The following PNPLA3 variants were observed in gnomAD, a reference collection of about 807,000 sequenced individuals.
The protein encoded by PNPLA3 is patatin like domain 3, 1-acylglycerol-3-phosphate O-acyltransferase, also known as 1-acylglycerol-3-phosphate O-acyltransferase PNPLA3.
PNPLA3 carries 42 observed loss-of-function variants against 43.1 expected under a neutral mutation model. That is an observed-to-expected ratio of 0.97 (90% confidence interval 0.76 to 1.26). The LOEUF is 1.26. Ranked by LOEUF, PNPLA3 falls within the 50% of genes most tolerant of loss-of-function variation. The pLI, the probability that PNPLA3 is intolerant of heterozygous loss-of-function variation, is 0.00. For synonymous variants in PNPLA3, 272 were observed against 253.6 expected (o/e 1.07, Z -0.69); for missense variants, 647 against 621.4 (o/e 1.04, Z -0.44).
chr22:43,931,744 G>A (rs1340302059), intron 3 of PNPLA3, among the ~76,000 whole-genome samples: 1 of 152,206 alleles, frequency 6.6e-6, no homozygotes, highest in Non-Finnish European at 1.5e-5. Flanking sequence ...TCGAACTCCT[G>A]GCCTCAAGTG....
chr22:43,924,004 G>T lies in PNPLA3; in HGVS notation c.93G>T (p.Glu31Asp). 1.3e-6 allele frequency: 2 copies of T among 1,585,136 alleles called. No individual in the cohort carries two copies. The highest frequency in any genetic ancestry group is 2.2e-5 in the South Asian group (2 of 89,066). ...YHVGATRCLSEHAPHLLRDAR... is the reference protein window; with the variant it reads ...YHVGATRCLSDHAPHLLRDAR... ...TCGGGGCGACCCGCTGCCTGAGCGA[G>T]CACGCCCCGCACCTCCTCCGCGACG... The change falls in exon 1 of 9, where the codon GAG (glutamate) becomes GAT (aspartate). Residue 31 changes from glutamate to aspartate, a missense_variant. Glu to Asp is a conservative substitution (Grantham distance 45). Transcript: ENST00000216180.
intron 7 of PNPLA3, 127 bp downstream of exon 7, chr22:43,940,252 T>TATGTGC: frequency 1.8e-6 from 2 of 1,140,636 alleles, no homozygotes; most frequent in Non-Finnish European, 2.5e-6. Context: ...GCTCACAGTC[T>TATGTGC]ATGTGCAATG....
chr22:43,946,087 C>T (rs931592181), intron 8 of PNPLA3, 67 bp from the exon 9 acceptor site: 88 of 1,467,786 alleles, frequency 6.0e-5, no homozygotes, highest in Middle Eastern at 5.2e-4. Context: ...GTGGGTCCAC[C>T]GTAGCTCAGA....
At chr22:43,941,385 A>C (rs978026177) in intron 7 of PNPLA3, among the ~76,000 whole-genome samples, 1 of 152,014 alleles carries the variant, frequency 6.6e-6, no homozygotes, top group Non-Finnish European at 1.5e-5. Flanking sequence ...TTGGCTCAGC[A>C]GTCAGACTGC....
chr22:43,934,146 G>A lies in PNPLA3; in HGVS notation c.697-460G>A, dbSNP rs978191117. 5.9e-5 allele frequency among the ~76,000 whole-genome samples: 9 copies of A among 151,570 alleles called. 1 individual carries two copies. Among genetic ancestry groups the A allele is most frequent in the Admixed American group, 2.0e-4 (3 of 15,232 alleles). Reference sequence around the variant, plus strand: ...AGCCTGGCCAACATGGTGAAACCCCGTCTCCATGAAAAATACAAAAATTAC... The same window carrying A: ...AGCCTGGCCAACATGGTGAAACCCCATCTCCATGAAAAATACAAAAATTAC... On this transcript the variant is annotated intron_variant, in intron 4 of 8. Coordinates refer to ENST00000216180, the MANE Select transcript of PNPLA3 (RefSeq NM_025225.3).
chr22:43,925,007 C>G (rs993737835), intron 1 of PNPLA3, among the ~76,000 whole-genome samples: 12 of 152,156 alleles, frequency 7.9e-5, no homozygotes, highest in Admixed American at 3.9e-4. Flanking sequence ...CCCAGAAGGG[C>G]AACCCTGGGC....
rs146498944 is a variant in PNPLA3, at chr22:43,944,652, C to A, written c.1113-39C>A. The A allele has an allele frequency of 2.9e-4, 437 of 1,530,794 alleles. No homozygotes were observed. The African/African-American group carries it at 5.5e-3, about 19-fold the overall frequency. 94.8% of individuals were successfully genotyped at this position (1,530,794 alleles called of 1,614,324 possible). ...GTAGTGTTGTAAGCTGTTGTGTCTG[C>A]CTATGTGTGTGTTTGTGTACTTGGT... On this transcript the variant is annotated intron_variant, in intron 7 of 8. Transcript: ENST00000216180.
At chr22:43,934,909 T>C (rs983729779) in intron 5 of PNPLA3, among the ~76,000 whole-genome samples, 1 of 152,070 alleles carries the variant, frequency 6.6e-6, no homozygotes. Flanking sequence ...GAGCCGAGAT[T>C]TGAACTGGGA....
chr22:43,938,570 A>G (rs1294345279), intron 6 of PNPLA3, among the ~76,000 whole-genome samples: 1 of 152,190 alleles, frequency 6.6e-6, no homozygotes, highest in Non-Finnish European at 1.5e-5. Flanking sequence ...GGAAGGTGCC[A>G]TACACTTTTA....
At chr22:43,940,846 TAAATC>T (rs1421923507) in intron 7 of PNPLA3, among the ~76,000 whole-genome samples, 1 of 150,390 alleles carries the variant, frequency 6.6e-6, no homozygotes, top group Non-Finnish European at 1.5e-5. Flanking sequence ...AATAAAATAA[TAAATC>T]AAGTCACGGC....
Position 43,924,036 on chromosome 22 carries a change from T to A in PNPLA3, c.125T>A (p.Met42Lys). Reference sequence around the variant, plus strand: ...CCGCACCTCCTCCGCGACGCGCGCATGTTGTTCGGCGCTTCGGCCGGGGCG... The same window carrying A: ...CCGCACCTCCTCCGCGACGCGCGCAAGTTGTTCGGCGCTTCGGCCGGGGCG... Reference protein sequence around the residue: ...HAPHLLRDARMLFGASAGALH... With the variant: ...HAPHLLRDARKLFGASAGALH... The change falls in exon 1 of 9, where the codon ATG becomes AAG. Residue 42 changes from methionine to lysine, a missense_variant. Transcript: ENST00000216180. 1 of 1,580,914 alleles carries A rather than the reference T, an allele frequency of 6.3e-7. No homozygotes were observed.
chr22:43,942,709 T>C (rs979081883), intron 7 of PNPLA3, among the ~76,000 whole-genome samples: 22 of 146,658 alleles, frequency 1.5e-4, no homozygotes, highest in African/African-American at 4.8e-4. Flanking sequence ...TTCTTTTTTT[T>C]TTTTTTTTTT....
At chr22:43,940,212 G>A in intron 7 of PNPLA3, 87 bp downstream of exon 7, 1 of 1,462,168 alleles carries the variant, frequency 6.8e-7, no homozygotes, top group Non-Finnish European at 9.4e-7. Flanking sequence ...CATGTAGTCT[G>A]GGACCTGGAT....
rs1241262253 is a variant in PNPLA3, at chr22:43,941,919, A to C, written c.1112+1794A>C. On this transcript the variant is annotated intron_variant, in intron 7 of 8. Transcript: ENST00000216180. ...GGAGAACGAAGAGCCTGAAGGTGTG[A>C]GGAGGTGCGAGTGCTGATCTGTCTG... Among the ~76,000 whole-genome samples, 9 of 152,170 alleles carry C rather than the reference A, an allele frequency of 5.9e-5. 1 individual carries two copies. In the South Asian group the frequency reaches 1.5e-3, roughly 25 times the overall value.
rs59312329 is a variant in PNPLA3 at position 43,934,804 on chromosome 22, C to T, written c.757+138C>T. 2.6e-3 allele frequency: 2,010 copies of T among 786,460 alleles called. 21 individuals are homozygous for T. The highest frequency in any genetic ancestry group is 0.025 in the East Asian group (933 of 37,186). 48.7% of individuals were successfully genotyped at this position (786,460 alleles called of 1,614,324 possible). The stretch of plus-strand genomic sequence containing the variant: ...TTGTGTTGCTCAACCTACTCATGAG[C>T]CCAGGAGATAGGAAATCTCCGTCCC... On this transcript the variant is annotated intron_variant, in intron 5 of 8. Transcript: ENST00000216180.
Position 43,927,084 on chromosome 22 carries a change from A to G in PNPLA3, c.337A>G (p.Lys113Glu), listed in dbSNP as rs2049928262. The G allele has an allele frequency of 6.2e-7, 1 of 1,614,126 alleles. No homozygotes were observed. The highest frequency in any genetic ancestry group is 8.5e-7 in the Non-Finnish European group (1 of 1,180,056). Residue 113 changes from lysine to glutamate, a missense_variant, in exon 2 of 9, where the codon AAA becomes GAA. Physicochemically the swap from Lys to Glu is moderately conservative, Grantham distance 56. Coordinates refer to ENST00000216180, the MANE Select transcript of PNPLA3 (RefSeq NM_025225.3). The stretch of plus-strand genomic sequence containing the variant: ...CAATGTCCACCAGCTCATCTCCGGC[A>G]AAATAGGCATCTCTCTTACCAGAGT... ...PANVHQLISG[K>E]IGISLTRVSD...
chr22:43,933,425 C>T (rs1022702821), intron 4 of PNPLA3, among the ~76,000 whole-genome samples: 5 of 152,042 alleles, frequency 3.3e-5, no homozygotes, highest in Non-Finnish European at 7.4e-5. Flanking sequence ...CTTGCTCTGC[C>T]GCTTAGGCTG....
intron 3 of PNPLA3, among the ~76,000 whole-genome samples, chr22:43,932,368 G>T (rs2049967027): frequency 1.3e-5 from 2 of 152,136 alleles, no homozygotes; most frequent in African/African-American, 4.8e-5. Flanking sequence ...TCAAAGCATG[G>T]GGGGAGATGG....
chr22:43,929,042 GC>G (rs1407040803), intron 3 of PNPLA3, among the ~76,000 whole-genome samples, 153 bp downstream of exon 3: 4 of 152,210 alleles, frequency 2.6e-5, no homozygotes, highest in African/African-American at 9.6e-5. Context: ...AGTAGCCACA[GC>G]TGGCCCTATT....
Sources: allele counts gnomAD v4.1 joint callset (sites outside exome capture counted in the v4.1 genomes callset), GRCh38; gene constraint gnomAD v4.1.1; transcripts MANE v1.5; gene names NCBI Gene and HGNC (gene_info 2026-07-23, HGNC 2026-07-21).